The following ABCC1 variants were observed in gnomAD, a reference collection of about 807,000 sequenced individuals.
ABCC1 encodes multidrug resistance-associated protein 1.
Under a neutral mutation model 172.9 loss-of-function variants are expected in ABCC1, and 83 were observed. That is an observed-to-expected ratio of 0.48 (90% confidence interval 0.40 to 0.58). ABCC1 has a LOEUF of 0.58. Among genes scored for constraint, ABCC1 ranks in the 20% least tolerant of loss-of-function variants. The pLI is 0.00. For missense variants in ABCC1, 1,817 were observed against 2,002.7 expected (o/e 0.91, Z 1.77); for synonymous variants, 937 against 825.2 (o/e 1.14, Z -2.32).
chr16:15,950,679 C>T (rs1176471843), intron 1 of ABCC1, among the ~76,000 whole-genome samples: 14 of 152,134 alleles, frequency 9.2e-5, no homozygotes. Flanking sequence ...CCTCTTTGTT[C>T]CAGGAAGGCA....
At chr16:15,964,629 A>T (rs1171475550) in intron 1 of ABCC1, among the ~76,000 whole-genome samples, 1 of 151,788 alleles carries the variant, frequency 6.6e-6, no homozygotes, top group Non-Finnish European at 1.5e-5. Context: ...ATAACATTTA[A>T]ATCAAAATGG....
At chr16:16,010,485 T>C (rs755905473) in intron 3 of ABCC1, among the ~76,000 whole-genome samples, 2 of 152,190 alleles carry the variant, frequency 1.3e-5, no homozygotes, top group African/African-American at 2.4e-5. Flanking sequence ...TTGGCTACTT[T>C]GGTCACTTAT....
At chr16:16,108,639 A>G (rs999012453) in intron 21 of ABCC1, among the ~76,000 whole-genome samples, 104 of 147,566 alleles carry the variant, frequency 7.0e-4, no homozygotes, top group African/African-American at 2.3e-3. Context: ...TCTGTCACCC[A>G]GGATGGAGTG....
At chr16:16,065,698 G>A (rs918387112) in intron 12 of ABCC1, among the ~76,000 whole-genome samples, 1 of 152,106 alleles carries the variant, frequency 6.6e-6, no homozygotes, top group African/African-American at 2.4e-5. Flanking sequence ...CTCCCAACAT[G>A]CTGGGATTAC....
chr16:16,008,089 G>T (rs2047622620), intron 2 of ABCC1, 97 bp downstream of exon 2: 2 of 1,242,536 alleles, frequency 1.6e-6, no homozygotes, highest in Non-Finnish European at 2.2e-6. Flanking sequence ...CTACTTAGTT[G>T]ACCCTAAGTT....
rs879077155 is a variant in ABCC1, at chr16:16,088,046, CTAAG to C, written c.2460+1059_2460+1062del. Among the ~76,000 whole-genome samples, 9 of 152,064 alleles carry C rather than the reference CTAAG, an allele frequency of 5.9e-5. No homozygotes were observed. The South Asian group carries it at 6.2e-4, about 11-fold the overall frequency. ...TAGTACAAAACATTTTTGAAAATTA[CTAAG>C]TAATACATGCCCATTGTAACAAAAT... On this transcript the variant is annotated intron_variant, in intron 18 of 30. Transcript: ENST00000399410.
chr16:16,131,703 A>T, intron 26 of ABCC1, 86 bp from the exon 27 acceptor site: 2 of 1,499,548 alleles, frequency 1.3e-6, no homozygotes, highest in Non-Finnish European at 1.8e-6. Flanking sequence ...TGGGCAGCAG[A>T]GTGAGTGAGA....
At chr16:16,049,164 C>T (rs2049330846) in intron 10 of ABCC1, among the ~76,000 whole-genome samples, 1 of 152,106 alleles carries the variant, frequency 6.6e-6, no homozygotes, top group Non-Finnish European at 1.5e-5. Flanking sequence ...GTGGTACTTC[C>T]CTACATGGCT....
At position 16,044,615 on chromosome 16, in the gene ABCC1, C is replaced by T. The variant is rs893347705; in HGVS notation, c.975C>T (p.Phe325=). The T allele has an allele frequency of 4.3e-6, 7 of 1,614,042 alleles. No individual in the cohort carries two copies. The highest frequency in any genetic ancestry group is 5.9e-6 in the Non-Finnish European group (7 of 1,180,038). ...TATACAAGACCTTTGGGCCCTACTT[C>T]CTCATGAGCTTCTTCTTCAAGGCCA... The part of the protein sequence containing the change: ...KVLYKTFGPY[F]LMSFFFKAIH... Residue 325 remains phenylalanine (F), a synonymous_variant, in exon 8 of 31, where the codon TTC becomes TTT. Transcript: ENST00000399410.
At chr16:16,102,347 C>T (rs1038841644) in intron 19 of ABCC1, among the ~76,000 whole-genome samples, 2 of 152,200 alleles carry the variant, frequency 1.3e-5, no homozygotes, top group Non-Finnish European at 2.9e-5. Context: ...TTGCTGCTGG[C>T]ACAGGATGCT....
chr16:16,091,404 C>CCA (rs2051251265), intron 19 of ABCC1, among the ~76,000 whole-genome samples: 1 of 108,682 alleles, frequency 9.2e-6, no homozygotes, highest in Non-Finnish European at 1.8e-5. Flanking sequence ...CCCAACTCTA[C>CCA]AAAAAAAAAA....
chr16:15,982,748 G>A (rs908951782), intron 1 of ABCC1, among the ~76,000 whole-genome samples: 18 of 129,410 alleles, frequency 1.4e-4, no homozygotes, highest in Admixed American at 1.4e-3. Flanking sequence ...TGAGACTGCA[G>A]TCAGCTATGA....
In ABCC1 at chr16:16,048,176, C is replaced by G; in HGVS notation, c.1253C>G (p.Ser418Cys). The stretch of plus-strand genomic sequence containing the variant: ...ATCACCAATTCAGCCAGAAAATCCT[C>G]CACGGTCGGGGAGATTGTCAACCTC... ...LVITNSARKS[S>C]TVGEIVNLMS... Residue 418 changes from serine (S) to cysteine (C), a missense_variant, in exon 10 of 31, where the codon TCC becomes TGC. By Grantham distance (112) the Ser-to-Cys change is moderately radical. This residue lies in a region of ABCC1 where 1,412 missense variants were observed against 1,600.3 expected (regional missense o/e 0.88). Coordinates refer to ENST00000399410, the MANE Select transcript of ABCC1 (RefSeq NM_004996.4). 6.2e-7 allele frequency: 1 copy of G among 1,614,196 alleles called. No individual in the cohort carries two copies. The highest frequency in any genetic ancestry group is 8.5e-7 in the Non-Finnish European group (1 of 1,180,022).
chr16:15,949,826 G>C (rs1431529167), intron 1 of ABCC1, 27 bp downstream of exon 1: 1 of 1,192,122 alleles, frequency 8.4e-7, no homozygotes, highest in African/African-American at 1.6e-5. Flanking sequence ...GCGTGAGGCC[G>C]GCGGGACGGA....
At chr16:16,002,176 A>G (rs58984112) in intron 1 of ABCC1, among the ~76,000 whole-genome samples, 1 of 152,374 alleles carries the variant, frequency 6.6e-6, no homozygotes, top group African/African-American at 2.4e-5. Context: ...CGTAACAAAG[A>G]GTGAGGAAAC....
At chr16:16,085,814 C>T (rs1379351987) in intron 17 of ABCC1, among the ~76,000 whole-genome samples, 1 of 152,118 alleles carries the variant, frequency 6.6e-6, no homozygotes, top group African/African-American at 2.4e-5. Flanking sequence ...CTGCCAGGAC[C>T]CCACCTCAGT....
intron 15 of ABCC1, among the ~76,000 whole-genome samples, chr16:16,077,955 C>G (rs564831297): frequency 2.0e-5 from 3 of 151,978 alleles, no homozygotes; most frequent in African/African-American, 7.3e-5. Context: ...GTCAGCAGTT[C>G]GAGACCAGCC....
At chr16:16,082,967 T>C (rs10852377) in intron 16 of ABCC1, among the ~76,000 whole-genome samples, 109,870 of 152,016 alleles carry the variant, frequency 0.72, 40,241 homozygotes, top group East Asian at 0.83. Context: ...TCTTAAAAAG[T>C]GTCATATATC....
chr16:16,035,631 C>T (rs931252313), intron 6 of ABCC1, among the ~76,000 whole-genome samples: 16 of 151,762 alleles, frequency 1.1e-4, no homozygotes, highest in African/African-American at 3.4e-4. Context: ...GCTGGGACTA[C>T]AGGTGCGAGC....
Sources: gnomAD v4.1 joint callset for allele counts (sites outside exome capture counted in the v4.1 genomes callset) on GRCh38, gnomAD v4.1.1 for gene constraint, gnomAD v4.1.1 regional missense constraint, MANE v1.5 for transcripts, NCBI Gene and HGNC (gene_info 2026-07-23, HGNC 2026-07-21) for gene names.